RAI14: variants seen among roughly 807,000 people sequenced by gnomAD.
RAI14 encodes ankycorbin.
A neutral mutation model predicts 115.4 loss-of-function variants in RAI14; 45 were observed. That is an observed-to-expected ratio of 0.39 (90% CI 0.31 to 0.50). The LOEUF (loss-of-function observed/expected upper bound fraction) is 0.50. RAI14 is among the 20% of genes least tolerant of loss of function. The pLI is 0.85. For synonymous variants in RAI14, 371 were observed against 415.4 expected (o/e 0.89, Z 1.30); for missense variants, 939 against 1,131.2 (o/e 0.83, Z 2.44).
chr5:34,821,094 G>A (rs2150291328), intron 13 of RAI14, among the ~76,000 whole-genome samples: 1 of 152,314 alleles, frequency 6.6e-6, no homozygotes, highest in Non-Finnish European at 1.5e-5. Flanking sequence ...TGAACCTGAA[G>A]AAGTAGACTG....
chr5:34,725,551 A>G (rs1336531093), intron 2 of RAI14, among the ~76,000 whole-genome samples: 1 of 151,940 alleles, frequency 6.6e-6, no homozygotes, highest in East Asian at 1.9e-4. Flanking sequence ...CAAAATGGCT[A>G]CCAGTCTTTA....
intron 2 of RAI14, among the ~76,000 whole-genome samples, chr5:34,721,293 A>G (rs1334291531): frequency 3.7e-4 from 7 of 19,092 alleles, no homozygotes; most frequent in Admixed American, 2.2e-3. Flanking sequence ...GTAGATGTGT[A>G]TATATATATA....
intron 1 of RAI14, among the ~76,000 whole-genome samples, chr5:34,678,128 C>T (rs931661512): frequency 6.6e-6 from 1 of 150,448 alleles, no homozygotes; most frequent in African/African-American, 2.4e-5. Context: ...GACACAGTCT[C>T]ACTCTGTCAC....
intron 1 of RAI14, among the ~76,000 whole-genome samples, chr5:34,680,989 C>T (rs1744340039): frequency 2.0e-5 from 3 of 152,192 alleles, no homozygotes; most frequent in Admixed American, 6.5e-5. Context: ...GAACAGTACC[C>T]GTTGGGCCCT....
intron 4 of RAI14, among the ~76,000 whole-genome samples, chr5:34,800,864 C>T (rs778704845): frequency 1.3e-5 from 2 of 152,150 alleles, no homozygotes; most frequent in Non-Finnish European, 2.9e-5. Context: ...ACAGCAGGGA[C>T]AAGTTAATGC....
At chr5:34,720,891 A>G (rs1214962133) in intron 2 of RAI14, among the ~76,000 whole-genome samples, 1 of 151,438 alleles carries the variant, frequency 6.6e-6, no homozygotes, top group African/African-American at 2.4e-5. Flanking sequence ...AGTTCTCACT[A>G]TGTTGCCCAG....
chr5:34,810,383 GT>G (rs1755437564), intron 7 of RAI14, among the ~76,000 whole-genome samples: 1 of 152,172 alleles, frequency 6.6e-6, no homozygotes, highest in South Asian at 2.1e-4. Context: ...ACCTGACATA[GT>G]TTGTATATGA....
At chr5:34,733,510 A>G (rs1744455516) in intron 2 of RAI14, among the ~76,000 whole-genome samples, 3 of 152,156 alleles carry the variant, frequency 2.0e-5, no homozygotes, top group Admixed American at 6.6e-5. Flanking sequence ...TCCCATCACA[A>G]TGTTCAACCT....
intron 1 of RAI14, among the ~76,000 whole-genome samples, chr5:34,665,569 CGT>C (rs954721384): frequency 6.7e-6 from 1 of 148,560 alleles, no homozygotes; most frequent in Non-Finnish European, 1.5e-5. Flanking sequence ...CTTAAATATT[CGT>C]GAGGCATAGA....
At chr5:34,745,800 C>T (rs1746102067) in intron 2 of RAI14, among the ~76,000 whole-genome samples, 2 of 152,196 alleles carry the variant, frequency 1.3e-5, no homozygotes, top group South Asian at 4.1e-4. Flanking sequence ...TCCTTACTCA[C>T]TTCCCCCCGG....
At position 34,817,087 on chromosome 5, in the gene RAI14, C is replaced by A. The variant is rs149053477; in HGVS notation, c.940-1710C>A. Among the ~76,000 whole-genome samples the A allele has an allele frequency of 8.6e-4, 131 of 151,832 alleles. 4 individuals are homozygous for A. In the East Asian group the frequency reaches 0.024, roughly 28 times the overall value. On this transcript the variant is annotated intron_variant, in intron 12 of 17. Coordinates refer to ENST00000265109, the MANE Select transcript of RAI14 (RefSeq NM_015577.3). ...GGTCAGGAGATCGAGACCGTCCTGG[C>A]TAACACAGTGAAACCCCGTCTCTAC...
intron 12 of RAI14, among the ~76,000 whole-genome samples, chr5:34,817,272 C>CAAAAA (rs34084798): frequency 1.3e-4 from 13 of 97,120 alleles, no homozygotes; most frequent in Admixed American, 3.6e-4. Flanking sequence ...CACTCCATCT[C>CAAAAA]AAAAAAAAAA....
At position 34,823,061 on chromosome 5, in the gene RAI14, C is replaced by A; in HGVS notation, c.1219C>A (p.Pro407Thr). 6.2e-7 allele frequency: 1 copy of A among 1,613,036 alleles called. No individual in the cohort carries two copies. The highest frequency in any genetic ancestry group is 8.5e-7 in the Non-Finnish European group (1 of 1,179,038). Residue 407 changes from proline (P) to threonine (T), a missense_variant, in exon 15 of 18, where the codon CCA (proline) becomes ACA (threonine). Coordinates refer to ENST00000265109, the MANE Select transcript of RAI14 (RefSeq NM_015577.3). The surrounding 1 kb of genome is among the most constrained non-coding windows in gnomAD (Gnocchi z 4.5). ...SLGKPGETSP[P>T]DSKSSPSVLI... The stretch of plus-strand genomic sequence containing the variant: ...GGGAAAACCTGGTGAAACCTCTCCC[C>A]CAGACTCCAAATCATCTCCATCTGT...
rs1007493414 is a variant in RAI14 at position 34,795,873 on chromosome 5, A to C, written c.168-66A>C. The C allele has an allele frequency of 1.5e-5, 21 of 1,369,854 alleles. No individual in the cohort carries two copies. The African/African-American group carries it at 1.9e-4, about 12-fold the overall frequency. The allele number at this position is 1,369,854 out of a possible 1,614,324, so 84.9% of individuals were successfully genotyped here. ...TGAAATGGCGGGGGGCGGGGGGGAA[A>C]CTCTGTTGGAGATGAACATTAAAGA... On this transcript the variant is annotated intron_variant, in intron 3 of 17. Transcript: ENST00000265109.
chr5:34,674,663 C>T (rs1006577586), intron 1 of RAI14, among the ~76,000 whole-genome samples: 3 of 150,418 alleles, frequency 2.0e-5, no homozygotes, highest in Non-Finnish European at 2.9e-5. Flanking sequence ...CACCTGACTG[C>T]GACCTCCGCC....
At chr5:34,687,755 A>G (rs763007134) in intron 2 of RAI14, 38 of 1,546,272 alleles carry the variant, frequency 2.5e-5, no homozygotes, top group Middle Eastern at 1.7e-4. Context: ...TTGTTCAGCT[A>G]TCATTTCAGG....
At chr5:34,717,838 C>G (rs1471630096) in intron 2 of RAI14, among the ~76,000 whole-genome samples, 1 of 151,176 alleles carries the variant, frequency 6.6e-6, no homozygotes, top group Non-Finnish European at 1.5e-5. Context: ...ACAGATCCGG[C>G]TCCTGTTTCT....
chr5:34,786,334 C>G lies in RAI14; in HGVS notation c.168-9605C>G, dbSNP rs62355735. ...GCAGTCGCTCAAGGTGCTGCTCGAA[C>G]AGTCACTGGGGCAACTACTTTTTGC... On this transcript the variant is annotated intron_variant, in intron 3 of 17. Transcript: ENST00000265109. 1.2e-4 allele frequency among the ~76,000 whole-genome samples: 18 copies of G among 152,302 alleles called. 1 individual carries two copies. The South Asian group carries it at 1.2e-3, about 11-fold the overall frequency.
intron 14 of RAI14, among the ~76,000 whole-genome samples, chr5:34,822,250 G>GTATGTGTATATATATATATATATA (rs1554012471): frequency 7.4e-6 from 1 of 134,740 alleles, no homozygotes; most frequent in African/African-American, 2.8e-5. Context: ...ATGTGTGTAT[G>GTATGTGTATATATATATATATATA]TATATATATA....
Sources: allele counts gnomAD v4.1 joint callset (sites outside exome capture counted in the v4.1 genomes callset), GRCh38; gene constraint gnomAD v4.1.1; non-coding constraint Gnocchi (gnomAD v3.1); transcripts MANE v1.5; gene names NCBI Gene and HGNC (gene_info 2026-07-23, HGNC 2026-07-21).